The following PRMT8 variants were observed in gnomAD, a reference collection of about 807,000 sequenced individuals.
The protein encoded by PRMT8 is protein arginine N-methyltransferase 8.
Under a neutral mutation model 47.1 loss-of-function variants are expected in PRMT8, and 7 were observed. That is an observed-to-expected ratio of 0.15 (90% CI 0.08 to 0.28). The LOEUF is 0.28. PRMT8 is among the 10% of genes least tolerant of loss of function. The probability of loss-of-function intolerance (pLI) is 1.00; values close to 1 mark genes in which losing one functional copy is unlikely to be tolerated. For missense variants in PRMT8, 237 were observed against 505.4 expected, an observed-to-expected ratio of 0.47 and a Z score of 5.09; for synonymous variants, 188 against 186.5, an observed-to-expected ratio of 1.01 and a Z score of -0.07.
rs1864947179 is a variant in PRMT8, at chr12:3,453,895, C to G, written c.48+72453C>G. On this transcript the variant is annotated intron_variant, in intron 1 of 9. Coordinates refer to the PRMT8 transcript ENST00000452611. The surrounding 1 kb of genome is among the most constrained non-coding windows in gnomAD (Gnocchi z 4.9). ...CTGCAGCCTCGGGTGCAGCCTTGTC[C>G]TCAGCGTTCAACACGGGGTGCCTCG... Among the ~76,000 whole-genome samples, 1 of 152,212 alleles carries G rather than the reference C, an allele frequency of 6.6e-6. No homozygotes were observed. Among genetic ancestry groups the G allele is most frequent in the Non-Finnish European group, 1.5e-5 (1 of 68,042 alleles).
At chr12:3,562,717 C>T (rs547416656) in intron 4 of PRMT8, among the ~76,000 whole-genome samples, 4 of 152,194 alleles carry the variant, frequency 2.6e-5, no homozygotes, top group South Asian at 2.1e-4. Flanking sequence ...CGGACATTGG[C>T]GGATGCTACA....
chr12:3,419,801 A>C (rs1864520264), intron 1 of PRMT8, among the ~76,000 whole-genome samples: 1 of 151,672 alleles, frequency 6.6e-6, no homozygotes. Flanking sequence ...CCTCATCACA[A>C]GGCTCGCATC....
chr12:3,386,203 C>T (rs755887322), intron 1 of PRMT8, among the ~76,000 whole-genome samples: 1 of 152,190 alleles, frequency 6.6e-6, no homozygotes, highest in Non-Finnish European at 1.5e-5. Context: ...CTGAGCAATC[C>T]TGCAGCATGG....
upstream of PRMT8, among the ~76,000 whole-genome samples, chr12:3,488,867 C>G (rs993640949): frequency 1.3e-5 from 2 of 152,220 alleles, no homozygotes; most frequent in African/African-American, 2.4e-5. Context: ...TGGTGTATAA[C>G]AAATCACCCC....
intron 1 of PRMT8, among the ~76,000 whole-genome samples, chr12:3,499,043 T>C (rs570312561): frequency 6.6e-6 from 1 of 152,266 alleles, no homozygotes; most frequent in Admixed American, 6.5e-5. Context: ...GGGCATTCTT[T>C]CCTGTGTGTG....
chr12:3,582,284 T>C (rs905490018), intron 7 of PRMT8, among the ~76,000 whole-genome samples: 1 of 152,374 alleles, frequency 6.6e-6, no homozygotes, highest in East Asian at 1.9e-4. Flanking sequence ...AGATTGATTT[T>C]CAGCCACTTT....
At chr12:3,517,767 A>T (rs1329152904) in intron 1 of PRMT8, among the ~76,000 whole-genome samples, 2 of 152,252 alleles carry the variant, frequency 1.3e-5, no homozygotes, top group Admixed American at 1.3e-4. Context: ...ATTCTCCCAG[A>T]TAGTCCGCTG....
At chr12:3,470,449 T>C (rs915250209) in intron 1 of PRMT8, among the ~76,000 whole-genome samples, 2 of 152,084 alleles carry the variant, frequency 1.3e-5, no homozygotes, top group Non-Finnish European at 2.9e-5. Context: ...AGGGCTCTGT[T>C]TGAACCTGCC....
chr12:3,477,426 G>A (rs1865224543), intron 1 of PRMT8, among the ~76,000 whole-genome samples: 1 of 152,240 alleles, frequency 6.6e-6, no homozygotes. Context: ...TGTACAGCAA[G>A]GAAGGGGGAG....
intron 2 of PRMT8, among the ~76,000 whole-genome samples, chr12:3,546,984 G>T (rs1014259113): frequency 6.6e-6 from 1 of 152,084 alleles, no homozygotes; most frequent in South Asian, 2.1e-4. Flanking sequence ...AAACCAATCT[G>T]TGAAGTTCAC....
Position 3,576,092 on chromosome 12 carries a change from A to T in PRMT8, c.713-779A>T, listed in dbSNP as rs1296481390. On this transcript the variant is annotated intron_variant, in intron 6 of 9. Transcript: ENST00000382622. The surrounding 1 kb of genome is among the most constrained non-coding windows in gnomAD (Gnocchi z 4.0). ...TGAATTAATTTCTCACCAACCCCCTAGATCTTTCTCCCTCCCATACAAAGT... is the reference window on the plus strand; with the variant it reads ...TGAATTAATTTCTCACCAACCCCCTTGATCTTTCTCCCTCCCATACAAAGT... 6.6e-6 allele frequency among the ~76,000 whole-genome samples: 1 copy of T among 152,190 alleles called. No individual in the cohort carries two copies. Among genetic ancestry groups the T allele is most frequent in the Non-Finnish European group, 1.5e-5 (1 of 68,010 alleles).
At chr12:3,527,421 C>T (rs1865964390) in intron 1 of PRMT8, among the ~76,000 whole-genome samples, 1 of 152,224 alleles carries the variant, frequency 6.6e-6, no homozygotes, top group Non-Finnish European at 1.5e-5. Flanking sequence ...TGCAAGATTT[C>T]ATCTTACTAC....
At position 3,492,698 on chromosome 12, in the gene PRMT8, T is replaced by C. The variant is rs1412063088; in HGVS notation, c.75+998T>C. ...TTCCGTAGGCTCTGGGCACCTGTAGTCACGAAGGGGATCAGCGTGGGCAGC... is the reference window on the plus strand; with the variant it reads ...TTCCGTAGGCTCTGGGCACCTGTAGCCACGAAGGGGATCAGCGTGGGCAGC... On this transcript the variant is annotated intron_variant, in intron 1 of 9. Coordinates refer to ENST00000382622, the MANE Select transcript of PRMT8 (RefSeq NM_019854.5). This position sits in a 1 kb window ranked among gnomAD's most constrained non-coding sequence, Gnocchi z 7.5. 2.6e-5 allele frequency among the ~76,000 whole-genome samples: 4 copies of C among 152,090 alleles called. No homozygotes were observed. Among genetic ancestry groups the C allele is most frequent in the African/African-American group, 9.7e-5 (4 of 41,402 alleles).
At chr12:3,587,176 T>TA (rs1867196517) in intron 8 of PRMT8, among the ~76,000 whole-genome samples, 1 of 148,008 alleles carries the variant, frequency 6.8e-6, no homozygotes, top group East Asian at 1.9e-4. Context: ...ATTTATATAT[T>TA]AATTATATAT....
intron 1 of PRMT8, among the ~76,000 whole-genome samples, chr12:3,438,102 A>G (rs1196702454): frequency 1.3e-5 from 2 of 152,028 alleles, no homozygotes; most frequent in Non-Finnish European, 2.9e-5. Flanking sequence ...GAGCCTGGGG[A>G]AGTCCTGGGC....
chr12:3,444,820 A>C (rs533660276), intron 1 of PRMT8, among the ~76,000 whole-genome samples: 1 of 152,360 alleles, frequency 6.6e-6, no homozygotes, highest in East Asian at 1.9e-4. Context: ...GCTGAGGAAA[A>C]GCTGCATTGG....
At chr12:3,520,718 T>C (rs1388128084) in intron 1 of PRMT8, among the ~76,000 whole-genome samples, 1 of 152,200 alleles carries the variant, frequency 6.6e-6, no homozygotes, top group Non-Finnish European at 1.5e-5. Flanking sequence ...ACTCAATAAT[T>C]GTTCAGCCCA....
chr12:3,537,325 C>T (rs1436184897), intron 1 of PRMT8, among the ~76,000 whole-genome samples: 1 of 152,230 alleles, frequency 6.6e-6, no homozygotes, highest in Non-Finnish European at 1.5e-5. Context: ...GTACTTGCCT[C>T]ATGTGGACAG....
At chr12:3,592,805 G>A (rs1362726027) in intron 9 of PRMT8, among the ~76,000 whole-genome samples, 3 of 152,196 alleles carry the variant, frequency 2.0e-5, no homozygotes, top group Non-Finnish European at 2.9e-5. Flanking sequence ...TGCTCTGAAG[G>A]TCACCTCACA....
Sources: gnomAD v4.1 joint callset for allele counts (sites outside exome capture counted in the v4.1 genomes callset) on GRCh38, gnomAD v4.1.1 for gene constraint, Gnocchi (gnomAD v3.1) non-coding constraint, MANE v1.5 for transcripts, NCBI Gene and HGNC (gene_info 2026-07-23, HGNC 2026-07-21) for gene names.